Variants in ZFP14 observed in about 807,000 individuals in gnomAD.
The protein encoded by ZFP14 is zinc finger protein 14 homolog.
ZFP14 carries 22 observed loss-of-function variants against 54.5 expected under a neutral mutation model. The observed-to-expected ratio is 0.40, with a 90% CI of 0.29 to 0.58. The LOEUF (loss-of-function observed/expected upper bound fraction) is 0.58. Among genes scored for constraint, ZFP14 ranks in the 20% least tolerant of loss-of-function variants. The probability of loss-of-function intolerance (pLI) is 0.39; values close to 1 mark genes in which losing one functional copy is unlikely to be tolerated. For synonymous variants in ZFP14, 159 were observed against 204.0 expected (o/e 0.78, Z 1.88); for missense variants, 470 against 637.8 (o/e 0.74, Z 2.83).
chr19:36,359,857 G>A (rs73606471), intron 4 of ZFP14, among the ~76,000 whole-genome samples: 5,939 of 152,052 alleles, frequency 0.039, 359 homozygotes, highest in African/African-American at 0.14. Flanking sequence ...GTTTTGCTGC[G>A]TTGGCCAGAC....
intron 2 of ZFP14, among the ~76,000 whole-genome samples, chr19:36,363,137 A>C (rs917994523): frequency 6.0e-5 from 9 of 151,088 alleles, no homozygotes; most frequent in African/African-American, 2.2e-4. Context: ...AATCATGAAG[A>C]TATCATAAAG....
At position 36,355,881 on chromosome 19, in the gene ZFP14, A is replaced by G. The variant is rs184271810; in HGVS notation, c.235+4554T>C. The stretch of plus-strand genomic sequence containing the variant: ...GTGTTTAAGCCACCCAGACTATGGT[A>G]TTCTGTTACAGCAGCTTAAGATGAT... On this transcript the variant is annotated intron_variant, in intron 4 of 4. Coordinates refer to ENST00000270001, the MANE Select transcript of ZFP14 (RefSeq NM_020917.3). Among the ~76,000 whole-genome samples, 23 of 142,452 alleles carry G rather than the reference A, an allele frequency of 1.6e-4. 5 individuals carry two copies. The highest frequency in any genetic ancestry group is 2.8e-4 in the Non-Finnish European group (18 of 64,194). The allele number at this position is 142,452 out of a possible 152,430, so 93.5% of individuals were successfully genotyped here. A position where few individuals can be genotyped will look rare whatever the true frequency, so the allele number is the denominator to read the frequency against.
At position 36,341,487 on chromosome 19, in the gene ZFP14, G is replaced by T; in HGVS notation, c.339C>A (p.Ser113Arg). 6.2e-7 allele frequency: 1 copy of T among 1,613,722 alleles called. No individual in the cohort carries two copies. The highest frequency in any genetic ancestry group is 8.5e-7 in the Non-Finnish European group (1 of 1,179,936). The change falls in exon 5 of 5, where the codon AGC (serine) becomes AGA (arginine). Residue 113 changes from serine to arginine, a missense_variant. Ser to Arg is a moderately radical substitution (Grantham distance 110, BLOSUM62 -1). Coordinates refer to ENST00000270001, the MANE Select transcript of ZFP14 (RefSeq NM_020917.3). The surrounding 1 kb of genome is among the most constrained non-coding windows in gnomAD (Gnocchi z 4.2). ...CATTCCTAAAAATGGAACCCTGAAG[G>T]CTATAGCTTTTAATTCTTTCCATTA... is the stretch of plus-strand genomic sequence containing the variant. ...WDIMERIKSY[S>R]LQGSIFRNDW...
intron 4 of ZFP14, among the ~76,000 whole-genome samples, chr19:36,345,333 C>T (rs2031395287): frequency 6.6e-6 from 1 of 152,198 alleles, no homozygotes; most frequent in South Asian, 2.1e-4. Context: ...ATGTAGCCAA[C>T]GCAACTAAAG....
At position 36,353,774 on chromosome 19, in the gene ZFP14, T is replaced by TA. The variant is rs532120717; in HGVS notation, c.235+6660dup. On this transcript the variant is annotated intron_variant, in intron 4 of 4. Transcript: ENST00000270001. Reference sequence around the variant, plus strand: ...CAGCAGCTTTCTACTACACTTAAAATAAAAAAAAGTCAGATGCAGCTGAGT... The same window carrying TA: ...CAGCAGCTTTCTACTACACTTAAAATAAAAAAAAAGTCAGATGCAGCTGAGT... Among the ~76,000 whole-genome samples the TA allele has an allele frequency of 5.9e-5, 8 of 134,694 alleles. 1 individual carries two copies. The highest frequency in any genetic ancestry group is 4.3e-4 in the East Asian group (2 of 4,620). 88.4% of individuals were successfully genotyped at this position (134,694 alleles called of 152,430 possible). A position where few individuals can be genotyped will look rare whatever the true frequency, so the allele number is the denominator to read the frequency against.
chr19:36,355,244 TG>T (rs1428743928), intron 4 of ZFP14, among the ~76,000 whole-genome samples: 1 of 143,500 alleles, frequency 7.0e-6, no homozygotes. Flanking sequence ...GTCCTAAATA[TG>T]GACTGAACTC....
intron 4 of ZFP14, among the ~76,000 whole-genome samples, chr19:36,354,718 C>T (rs960901596): frequency 7.0e-6 from 1 of 143,018 alleles, no homozygotes; most frequent in African/African-American, 2.6e-5. Flanking sequence ...CTCACCCAGG[C>T]TGGAATGCAG....
chr19:36,372,556 T>A (rs2145564115), intron 1 of ZFP14, among the ~76,000 whole-genome samples: 1 of 152,124 alleles, frequency 6.6e-6, no homozygotes, highest in South Asian at 2.1e-4. Context: ...TATGAAGAAA[T>A]AAAAAATCTG....
At chr19:36,356,153 G>A (rs1224015225) in intron 4 of ZFP14, among the ~76,000 whole-genome samples, 1 of 101,206 alleles carries the variant, frequency 9.9e-6, no homozygotes, top group African/African-American at 3.5e-5. Context: ...AAATTAATGG[G>A]GCTGGGCGCA....
chr19:36,341,550 T>C lies in ZFP14; in HGVS notation c.276A>G (p.Glu92=). 1 of 1,598,866 alleles carries C rather than the reference T, an allele frequency of 6.3e-7. No homozygotes were observed. The highest frequency in any genetic ancestry group is 8.5e-7 in the Non-Finnish European group (1 of 1,175,044). The change falls in exon 5 of 5, where the codon GAA becomes GAG. Residue 92 remains glutamate, a synonymous_variant. Transcript: ENST00000270001. This position sits in a 1 kb window ranked among gnomAD's most constrained non-coding sequence, Gnocchi z 4.2. ...SRYRTNTLSP[E]KDIYEIYSFQ... is the part of the protein sequence containing the mutation. ...ATGAATATATTTCATAAATGTCCTT[T>C]TCTGGAGATAAAGTATTGGTCCTGT... is the stretch of plus-strand genomic sequence containing the variant.
chr19:36,343,953 T>C (rs1347345369), intron 4 of ZFP14, among the ~76,000 whole-genome samples: 1 of 152,206 alleles, frequency 6.6e-6, no homozygotes, highest in African/African-American at 2.4e-5. Flanking sequence ...AGTTTCAACA[T>C]GAGTTTTGGA....
intron 4 of ZFP14, among the ~76,000 whole-genome samples, chr19:36,357,555 C>T (rs12976232): frequency 0.051 from 7,728 of 152,190 alleles, 224 homozygotes; most frequent in Non-Finnish European, 0.064. Flanking sequence ...TATTCCAGTA[C>T]TATTTGTTGA....
Position 36,354,047 on chromosome 19 carries a change from C to T in ZFP14, c.235+6388G>A, listed in dbSNP as rs1333654193. On this transcript the variant is annotated intron_variant, in intron 4 of 4. Transcript: ENST00000270001. ...TCATGATCACACCACTGCACTCCAG[C>T]CTGGGCAACAGAACAAGACCCTGTC... Among the ~76,000 whole-genome samples, 2 of 127,528 alleles carry T rather than the reference C, an allele frequency of 1.6e-5. 1 individual carries two copies. The highest frequency in any genetic ancestry group is 4.6e-4 in the East Asian group (2 of 4,362). 83.7% of individuals were successfully genotyped at this position (127,528 alleles called of 152,430 possible). A position where few individuals can be genotyped will look rare whatever the true frequency, so the allele number is the denominator to read the frequency against.
chr19:36,378,644 G>C (rs933002386), intron 1 of ZFP14: 3 of 152,268 alleles, frequency 2.0e-5, no homozygotes, highest in Non-Finnish European at 4.4e-5. Flanking sequence ...CTAAAGAACA[G>C]CAGGATTGGG....
intron 2 of ZFP14, among the ~76,000 whole-genome samples, chr19:36,363,852 T>C (rs1304705072): frequency 6.6e-6 from 1 of 151,900 alleles, no homozygotes; most frequent in Non-Finnish European, 1.5e-5. Flanking sequence ...CAGCTGGGTG[T>C]GGTGGTGGGA....
chr19:36,369,095 G>A (rs1407744565), intron 1 of ZFP14, among the ~76,000 whole-genome samples: 2 of 152,152 alleles, frequency 1.3e-5, no homozygotes, highest in Non-Finnish European at 2.9e-5. Flanking sequence ...GCCCGCCTCG[G>A]CCTCCCAAAG....
chr19:36,344,242 T>C (rs1326474651), intron 4 of ZFP14, among the ~76,000 whole-genome samples: 1 of 152,196 alleles, frequency 6.6e-6, no homozygotes. Flanking sequence ...TGACCTCAGA[T>C]GATCTGCCCG....
At chr19:36,377,854 C>CAA (rs532320662) in intron 1 of ZFP14, among the ~76,000 whole-genome samples, 71 of 148,972 alleles carry the variant, frequency 4.8e-4, no homozygotes, top group African/African-American at 1.4e-3. Flanking sequence ...TCAAAAAATA[C>CAA]AAAAAAAAAC....
chr19:36,376,143 A>G (rs992739990), intron 1 of ZFP14, among the ~76,000 whole-genome samples: 3 of 152,126 alleles, frequency 2.0e-5, no homozygotes, highest in African/African-American at 7.2e-5. Flanking sequence ...ACCTGAAAGG[A>G]TTGTTATGAG....
Sources: allele counts gnomAD v4.1 joint callset (sites outside exome capture counted in the v4.1 genomes callset), GRCh38; gene constraint gnomAD v4.1.1; non-coding constraint Gnocchi (gnomAD v3.1); transcripts MANE v1.5; gene names NCBI Gene and HGNC (gene_info 2026-07-23, HGNC 2026-07-21).